Variants in IGSF21 observed in about 807,000 individuals in gnomAD.
The protein encoded by IGSF21 is immunoglobulin superfamily member 21.
Under a neutral mutation model 46.8 loss-of-function variants are expected in IGSF21, and 28 were observed. That is an observed-to-expected ratio of 0.60 (90% CI 0.44 to 0.82). The LOEUF (loss-of-function observed/expected upper bound fraction) is 0.82. Ranked by LOEUF, IGSF21 falls within the 40% of genes least tolerant of loss-of-function variation. The pLI, the probability that IGSF21 is intolerant of heterozygous loss-of-function variation, is 0.00. For missense variants in IGSF21, 624 were observed against 665.5 expected, an observed-to-expected ratio of 0.94 and a Z score of 0.69; for synonymous variants, 284 against 273.6, an observed-to-expected ratio of 1.04 and a Z score of -0.38.
chr1:18,333,915 A>G (rs1052109340), intron 3 of IGSF21, among the ~76,000 whole-genome samples: 1 of 152,244 alleles, frequency 6.6e-6, no homozygotes, highest in Non-Finnish European at 1.5e-5. Context: ...GAAGAAGGAT[A>G]TTGTATGGCA....
chr1:18,203,184 C>T (rs549362587), intron 1 of IGSF21, among the ~76,000 whole-genome samples: 1 of 152,362 alleles, frequency 6.6e-6, no homozygotes, highest in East Asian at 1.9e-4. Context: ...GCTGAGCCCA[C>T]TTGTTGCAAG....
intron 1 of IGSF21, among the ~76,000 whole-genome samples, chr1:18,127,265 C>T (rs1270565920): frequency 6.6e-6 from 1 of 152,172 alleles, no homozygotes; most frequent in African/African-American, 2.4e-5. Context: ...CATAACCTAC[C>T]TCTGGCTGTG....
rs547658720 is a variant in IGSF21 at position 18,170,905 on chromosome 1, A to G, written c.71-56993A>G. 3.9e-5 allele frequency among the ~76,000 whole-genome samples: 6 copies of G among 152,312 alleles called. No individual in the cohort carries two copies. In the South Asian group the frequency reaches 1.2e-3, roughly 32 times the overall value. ...AGGTTGCACCTTCAGGAAGGGCTTC[A>G]TGGAGCAGGTGGACTTAAGAGGGTC... is the stretch of plus-strand genomic sequence containing the variant. On this transcript the variant is annotated intron_variant, in intron 1 of 9. Transcript: ENST00000251296.
chr1:18,233,229 G>T (rs2084644382), intron 2 of IGSF21, among the ~76,000 whole-genome samples: 1 of 152,244 alleles, frequency 6.6e-6, no homozygotes, highest in Non-Finnish European at 1.5e-5. Flanking sequence ...TAACATCCCT[G>T]CTTTCAGTAC....
chr1:18,252,224 G>C (rs2084850095), intron 2 of IGSF21, among the ~76,000 whole-genome samples: 1 of 151,638 alleles, frequency 6.6e-6, no homozygotes, highest in African/African-American at 2.4e-5. Flanking sequence ...CTAATTTTTT[G>C]TATTTTTAGT....
chr1:18,303,317 G>C (rs78615875), intron 3 of IGSF21, among the ~76,000 whole-genome samples: 1 of 151,782 alleles, frequency 6.6e-6, no homozygotes, highest in Non-Finnish European at 1.5e-5. Flanking sequence ...AGGGGGCTCA[G>C]GTGCAGCCCA....
chr1:18,251,508 T>C (rs1430537929), intron 2 of IGSF21, among the ~76,000 whole-genome samples: 1 of 152,160 alleles, frequency 6.6e-6, no homozygotes, highest in East Asian at 1.9e-4. Context: ...CCTCTCAATA[T>C]GCACAGTTAC....
At position 18,365,825 on chromosome 1, in the gene IGSF21, G is replaced by T; in HGVS notation, c.1015+128G>T. 1 of 751,202 alleles carries T rather than the reference G, an allele frequency of 1.3e-6. No homozygotes were observed. The highest frequency in any genetic ancestry group is 1.9e-5 in the South Asian group (1 of 53,568). The allele number at this position is 751,202 out of a possible 1,614,324, so 46.5% of individuals were successfully genotyped here. On this transcript the variant is annotated intron_variant, in intron 6 of 9. Coordinates refer to ENST00000251296, the MANE Select transcript of IGSF21 (RefSeq NM_032880.5). The surrounding 1 kb of genome is among the most constrained non-coding windows in gnomAD (Gnocchi z 4.8). Reference sequence around the variant, plus strand: ...AGGAGATGGAGCAAACTGGAGTCAGGATGAGCACAAATGGTAGAGTCAGGT... The same window carrying T: ...AGGAGATGGAGCAAACTGGAGTCAGTATGAGCACAAATGGTAGAGTCAGGT...
At chr1:18,204,334 C>T (rs891293757) in intron 1 of IGSF21, among the ~76,000 whole-genome samples, 5 of 152,168 alleles carry the variant, frequency 3.3e-5, no homozygotes, top group Non-Finnish European at 7.3e-5. Flanking sequence ...AGCCTGTGCT[C>T]GCAACTTCAG....
chr1:18,344,678 G>A (rs942531276), intron 4 of IGSF21, among the ~76,000 whole-genome samples: 1 of 152,124 alleles, frequency 6.6e-6, no homozygotes, highest in Admixed American at 6.5e-5. Flanking sequence ...TGGTCCAAGG[G>A]GCAGGGTAGG....
rs1229630862 is a variant in IGSF21, at chr1:18,290,232, C to A, written c.184-1634C>A. On this transcript the variant is annotated intron_variant, in intron 2 of 9. Coordinates refer to ENST00000251296, the MANE Select transcript of IGSF21 (RefSeq NM_032880.5). The surrounding 1 kb of genome is among the most constrained non-coding windows in gnomAD (Gnocchi z 4.2). ...TCATGGTCCCGTTTCAGAAGCTGGG[C>A]CTGTGCTGCAGAAGCAGCCAGGTGG... is the stretch of plus-strand genomic sequence containing the variant. Among the ~76,000 whole-genome samples, 5 of 152,138 alleles carry A rather than the reference C, an allele frequency of 3.3e-5. No individual in the cohort carries two copies. The highest frequency in any genetic ancestry group is 1.2e-4 in the African/African-American group (5 of 41,418).
At chr1:18,130,061 T>G (rs1482146359) in intron 1 of IGSF21, among the ~76,000 whole-genome samples, 2 of 152,102 alleles carry the variant, frequency 1.3e-5, no homozygotes, top group African/African-American at 4.8e-5. Context: ...GGGGCAGAGG[T>G]GCAGGAGGTA....
chr1:18,154,534 C>T (rs1255988628), intron 1 of IGSF21, among the ~76,000 whole-genome samples: 1 of 151,832 alleles, frequency 6.6e-6, no homozygotes, highest in Non-Finnish European at 1.5e-5. Context: ...GCTCACATGT[C>T]CCCAGCTGCA....
At chr1:18,223,618 T>C (rs1201912324) in intron 1 of IGSF21, among the ~76,000 whole-genome samples, 1 of 152,216 alleles carries the variant, frequency 6.6e-6, no homozygotes, top group African/African-American at 2.4e-5. Flanking sequence ...AATGCATCGC[T>C]TATTGTATTC....
At chr1:18,203,709 T>A (rs780113146) in intron 1 of IGSF21, among the ~76,000 whole-genome samples, 12 of 152,194 alleles carry the variant, frequency 7.9e-5, no homozygotes, top group Non-Finnish European at 1.6e-4. Flanking sequence ...GAGTCTGCTA[T>A]GAAGGGGAAC....
chr1:18,253,676 G>C (rs1390493445), intron 2 of IGSF21, among the ~76,000 whole-genome samples: 2 of 152,218 alleles, frequency 1.3e-5, no homozygotes. Context: ...AGAAGGGATG[G>C]GGGGAGGTAG....
At chr1:18,108,280 C>A in intron 1 of IGSF21, 82 bp downstream of exon 1, 2 of 1,251,138 alleles carry the variant, frequency 1.6e-6, no homozygotes, top group South Asian at 2.6e-5. Context: ...TGGCCGGGGT[C>A]GCTCCGAGAG....
chr1:18,321,125 A>G (rs901805808), intron 3 of IGSF21, among the ~76,000 whole-genome samples: 5 of 152,186 alleles, frequency 3.3e-5, no homozygotes, highest in African/African-American at 1.2e-4. Context: ...CTCTGGCCCT[A>G]TATTGGAGGG....
chr1:18,353,797 C>T (rs901656867), intron 4 of IGSF21, among the ~76,000 whole-genome samples: 6 of 152,224 alleles, frequency 3.9e-5, no homozygotes, highest in South Asian at 4.1e-4. Context: ...GTGTGTTTGG[C>T]GCATGGTGAT....
Sources: allele counts gnomAD v4.1 joint callset (sites outside exome capture counted in the v4.1 genomes callset), GRCh38; gene constraint gnomAD v4.1.1; non-coding constraint Gnocchi (gnomAD v3.1); transcripts MANE v1.5; gene names NCBI Gene and HGNC (gene_info 2026-07-23, HGNC 2026-07-21).